Variants in AP5Z1 observed in about 807,000 individuals in gnomAD.
The protein encoded by AP5Z1 is adaptor related protein complex 5 subunit zeta 1, also known as AP-5 complex subunit zeta-1.
A neutral mutation model predicts 83.0 loss-of-function variants in AP5Z1; 106 were observed. That is an observed-to-expected ratio of 1.28 (90% CI 1.09 to 1.50). The LOEUF is 1.50. AP5Z1 is among the 40% of genes most tolerant of loss of function. AP5Z1 has a pLI of 0.00. For missense variants in AP5Z1, 1,565 were observed against 1,094.2 expected (o/e 1.43, Z -6.07); for synonymous variants, 751 against 514.1 (o/e 1.46, Z -6.23).
At position 4,791,132 on chromosome 7, in the gene AP5Z1, C is replaced by A; in HGVS notation, c.2171C>A (p.Ser724Ter). ...DLIPRASLLL[S>*]KMRTLAHSPA... is the part of the protein sequence containing the mutation. Reference sequence around the variant, plus strand: ...TTCCCCAGGGCCTCTTTATTGCTGTCAAAGATGAGGACCCTGGCTCACAGT... The same window carrying A: ...TTCCCCAGGGCCTCTTTATTGCTGTAAAAGATGAGGACCCTGGCTCACAGT... Residue 724 changes from serine (S) to a stop codon, truncating the protein, a stop_gained, in exon 17 of 17, where the codon TCA becomes TAA. Coordinates refer to ENST00000649063, the MANE Select transcript of AP5Z1 (RefSeq NM_014855.3). LOFTEE classifies it low-confidence loss of function (END_TRUNC). 1 of 1,602,308 alleles carries A rather than the reference C, an allele frequency of 6.2e-7. No homozygotes were observed.
intron 1 of AP5Z1, among the ~76,000 whole-genome samples, chr7:4,778,881 A>T (rs1427042265): frequency 6.9e-6 from 1 of 145,784 alleles, no homozygotes; most frequent in Non-Finnish European, 1.5e-5. Flanking sequence ...TAATCAAAAA[A>T]AGAATAAAAA....
intron 3 of AP5Z1, among the ~76,000 whole-genome samples, chr7:4,783,036 G>T (rs904728094): frequency 6.6e-6 from 1 of 152,234 alleles, no homozygotes; most frequent in Non-Finnish European, 1.5e-5. Flanking sequence ...CTGCGGCCAG[G>T]GCCATGGTGG....
At chr7:4,790,983 C>G (rs186146654) in intron 16 of AP5Z1, 96 bp downstream of exon 16, 2 of 1,474,764 alleles carry the variant, frequency 1.4e-6, no homozygotes, top group East Asian at 4.9e-5. Context: ...ATGGTCGCAG[C>G]AGCGCAGGTC....
chr7:4,791,124 A>G lies in AP5Z1; in HGVS notation c.2163A>G (p.Leu721=), dbSNP rs748640920. 1.9e-6 allele frequency: 3 copies of G among 1,598,332 alleles called. No homozygotes were observed. Among genetic ancestry groups the G allele is most frequent in the Admixed American group, 1.7e-5 (1 of 58,766 alleles). The change falls in exon 17 of 17, where the codon TTA becomes TTG. Residue 721 remains leucine, a synonymous_variant. Coordinates refer to ENST00000649063, the MANE Select transcript of AP5Z1 (RefSeq NM_014855.3). ...GACCTTCTTTCCCCAGGGCCTCTTT[A>G]TTGCTGTCAAAGATGAGGACCCTGG... ...RSQDLIPRAS[L]LLSKMRTLAH...
At chr7:4,782,042 T>C (rs916707486) in intron 3 of AP5Z1, among the ~76,000 whole-genome samples, 1 of 152,040 alleles carries the variant, frequency 6.6e-6, no homozygotes, top group Non-Finnish European at 1.5e-5. Flanking sequence ...CTCCAGACCT[T>C]CTTTTTGGGG....
rs200224845 is a variant in AP5Z1, at chr7:4,788,887, G to C, written c.1643G>C (p.Arg548Pro). Residue 548 changes from arginine to proline, a missense_variant, in exon 13 of 17, where the codon CGC becomes CCC. Arg to Pro is a moderately radical substitution (Grantham distance 103, BLOSUM62 -2). Coordinates refer to ENST00000649063, the MANE Select transcript of AP5Z1 (RefSeq NM_014855.3). ...QLLQPMAGCARVAQCAQAVPT... is the reference protein window; with the variant it reads ...QLLQPMAGCAPVAQCAQAVPT... ...CTGCAGCCCATGGCCGGCTGTGCCCGCGTGGCCCAGTGTGCCCAGGCCGTG... is the reference window on the plus strand; with the variant it reads ...CTGCAGCCCATGGCCGGCTGTGCCCCCGTGGCCCAGTGTGCCCAGGCCGTG... 69 of 1,610,672 alleles carry C rather than the reference G, an allele frequency of 4.3e-5. 2 individuals carry two copies. In the South Asian group the frequency reaches 7.3e-4, roughly 17 times the overall value.
intron 1 of AP5Z1, among the ~76,000 whole-genome samples, chr7:4,780,565 C>G (rs1781352924): frequency 6.6e-6 from 1 of 152,106 alleles, no homozygotes; most frequent in African/African-American, 2.4e-5. Context: ...GAGATCAAGA[C>G]CATCCTGGCC....
At chr7:4,785,094 C>G (rs768975897) in intron 7 of AP5Z1, 46 bp downstream of exon 7, 13 of 1,549,586 alleles carry the variant, frequency 8.4e-6, no homozygotes, top group Non-Finnish European at 1.1e-5. Context: ...GCTCGACGCA[C>G]CTGCTCTGCA....
Position 4,778,856 on chromosome 7 carries a change from A to G in AP5Z1, c.42-2319A>G, listed in dbSNP as rs1039822905. Among the ~76,000 whole-genome samples, 18 of 145,168 alleles carry G rather than the reference A, an allele frequency of 1.2e-4. No individual in the cohort carries two copies. In the Middle Eastern group the frequency reaches 0.018, roughly 146 times the overall value. On this transcript the variant is annotated intron_variant, in intron 1 of 16. Coordinates refer to ENST00000649063, the MANE Select transcript of AP5Z1 (RefSeq NM_014855.3). Reference sequence around the variant, plus strand: ...CATTATATATAATATATAATGATATATAATATTTTATATATAATCAAAAAA... The same window carrying G: ...CATTATATATAATATATAATGATATGTAATATTTTATATATAATCAAAAAA...
Position 4,791,315 on chromosome 7 carries a change from C to G in AP5Z1, c.2354C>G (p.Thr785Arg), listed in dbSNP as rs567731124. 9.3e-5 allele frequency: 150 copies of G among 1,611,750 alleles called. No homozygotes were observed. Among genetic ancestry groups the G allele is most frequent in the Non-Finnish European group, 1.2e-4 (140 of 1,179,566 alleles). Reference protein sequence around the residue: ...CSPRYHRDANTALPLALRTVS... With the variant: ...CSPRYHRDANRALPLALRTVS... ...CCCCGCTATCACCGCGATGCCAACA[C>G]GGCCCTGCCCCTGGCCCTGCGCACG... Residue 785 changes from threonine (T) to arginine (R), a missense_variant, in exon 17 of 17, where the codon ACG becomes AGG. Physicochemically the swap from Thr to Arg is moderately conservative, Grantham distance 71. Transcript: ENST00000649063.
At position 4,791,717 on chromosome 7, in the gene AP5Z1, G is replaced by A; in HGVS notation, c.*332G>A. On this transcript the variant is annotated 3_prime_UTR_variant, in exon 17 of 17. Coordinates refer to ENST00000649063, the MANE Select transcript of AP5Z1 (RefSeq NM_014855.3). ...TCTTTTGTTTTTGGACAGTTGATGGGCAAGAAGAGCTGCAGTAAAAGTAAA... is the reference window on the plus strand; with the variant it reads ...TCTTTTGTTTTTGGACAGTTGATGGACAAGAAGAGCTGCAGTAAAAGTAAA... 5.0e-6 allele frequency: 2 copies of A among 401,500 alleles called. No homozygotes were observed. Among genetic ancestry groups the A allele is most frequent in the Non-Finnish European group, 9.0e-6 (2 of 222,694 alleles). 24.9% of individuals were successfully genotyped at this position (401,500 alleles called of 1,614,324 possible).
rs780529379 is a variant in AP5Z1, at chr7:4,791,190, C to T, written c.2229C>T (p.Gly743=). ...CCAGCTCCACGCACAGCGAGGAGGG[C>T]GCGGAAGCCATCCGTACCCGGGCCA... The part of the protein sequence containing the change: ...PATSSTHSEE[G]AEAIRTRATE... The change falls in exon 17 of 17, where the codon GGC becomes GGT. Residue 743 remains glycine, a synonymous_variant. Coordinates refer to ENST00000649063, the MANE Select transcript of AP5Z1 (RefSeq NM_014855.3). 8.2e-5 allele frequency: 132 copies of T among 1,612,374 alleles called. No homozygotes were observed. Among genetic ancestry groups the T allele is most frequent in the Non-Finnish European group, 1.1e-4 (126 of 1,179,732 alleles).
At chr7:4,787,605 G>A (rs750950606) in intron 10 of AP5Z1, 29 bp from the exon 11 acceptor site, 15 of 1,542,022 alleles carry the variant, frequency 9.7e-6, no homozygotes, top group African/African-American at 4.1e-5. Context: ...GCTCCGAGCC[G>A]TGTCCGAACC....
Position 4,784,962 on chromosome 7 carries a change from C to G in AP5Z1, c.845C>G (p.Ser282Cys). The G allele has an allele frequency of 1.2e-6, 2 of 1,612,128 alleles. No individual in the cohort carries two copies. Among genetic ancestry groups the G allele is most frequent in the Non-Finnish European group, 1.7e-6 (2 of 1,179,460 alleles). ...STLSVISATS[S>C]AGRLLPPRER... ...CTGTCGGTGATCTCCGCCACCTCCTCTGCCGGCCGCCTGCTGCCGCCCCGG... is the reference window on the plus strand; with the variant it reads ...CTGTCGGTGATCTCCGCCACCTCCTGTGCCGGCCGCCTGCTGCCGCCCCGG... The change falls in exon 7 of 17, where the codon TCT (serine) becomes TGT (cysteine). Residue 282 changes from serine (S) to cysteine (C), a missense_variant. By Grantham distance (112) the Ser-to-Cys change is moderately radical. Coordinates refer to ENST00000649063, the MANE Select transcript of AP5Z1 (RefSeq NM_014855.3).
intron 6 of AP5Z1, among the ~76,000 whole-genome samples, 163 bp downstream of exon 6, chr7:4,784,534 GAGCAC>G (rs1162037255): frequency 6.6e-6 from 1 of 152,136 alleles, no homozygotes; most frequent in Non-Finnish European, 1.5e-5. Flanking sequence ...GCTAGGCGGA[GAGCAC>G]TCCCTGGCCA....
Position 4,791,352 on chromosome 7 carries a change from G to A in AP5Z1, c.2391G>A (p.Leu797=), listed in dbSNP as rs750850551. 1.2e-6 allele frequency: 2 copies of A among 1,608,660 alleles called. No individual in the cohort carries two copies. The highest frequency in any genetic ancestry group is 3.4e-5 in the Admixed American group (2 of 59,586). ...TGGCCCTGCGCACGGTCAGCCGGCTGGTGGAGAGGGAGGCCGGCCTCATGC... is the reference window on the plus strand; with the variant it reads ...TGGCCCTGCGCACGGTCAGCCGGCTAGTGGAGAGGGAGGCCGGCCTCATGC... ...LPLALRTVSR[L]VEREAGLMPG The change falls in exon 17 of 17, where the codon CTG becomes CTA. Residue 797 remains leucine, a synonymous_variant. Coordinates refer to ENST00000649063, the MANE Select transcript of AP5Z1 (RefSeq NM_014855.3).
intron 1 of AP5Z1, among the ~76,000 whole-genome samples, chr7:4,780,751 G>A (rs1247366188): frequency 1.3e-5 from 2 of 152,110 alleles, no homozygotes; most frequent in Non-Finnish European, 2.9e-5. Flanking sequence ...GGGTGACAGA[G>A]CAAGACTCCA....
intron 10 of AP5Z1, among the ~76,000 whole-genome samples, chr7:4,787,175 G>A (rs1011418396): frequency 2.0e-5 from 3 of 151,884 alleles, no homozygotes; most frequent in Non-Finnish European, 2.9e-5. Flanking sequence ...CAGGACAGTG[G>A]AAAATTATTG....
intron 5 of AP5Z1, 39 bp from the exon 6 acceptor site, chr7:4,784,164 T>C: frequency 6.5e-7 from 1 of 1,543,938 alleles, no homozygotes; most frequent in Non-Finnish European, 8.7e-7. Context: ...TTTCCCGGCC[T>C]CGGCCCCCTC....
Sources: allele counts gnomAD v4.1 joint callset (sites outside exome capture counted in the v4.1 genomes callset), GRCh38; gene constraint gnomAD v4.1.1; transcripts MANE v1.5; gene names NCBI Gene and HGNC (gene_info 2026-07-23, HGNC 2026-07-21).